Variants in CD46 observed in about 807,000 individuals in gnomAD.
CD46 encodes the protein CD46 molecule.
A neutral mutation model predicts 53.3 loss-of-function variants in CD46; 30 were observed. That is an observed-to-expected ratio of 0.56 (90% CI 0.42 to 0.76). The LOEUF is 0.76. CD46 is among the 30% of genes least tolerant of loss of function. The pLI is 0.00. For synonymous variants in CD46, 142 were observed against 152.0 expected (o/e 0.93, Z 0.48); for missense variants, 409 against 463.0 (o/e 0.88, Z 1.07).
intron 5 of CD46, 91 bp downstream of exon 5, chr1:207,761,537 A>C: frequency 1.0e-6 from 1 of 994,962 alleles, no homozygotes; most frequent in South Asian, 1.3e-5. Context: ...AAGCAGGTGT[A>C]TGTGCTTCCT....
intron 9 of CD46, 24 bp downstream of exon 9, chr1:207,783,354 T>C (rs1658967874): frequency 6.9e-7 from 1 of 1,446,252 alleles, no homozygotes; most frequent in Non-Finnish European, 9.7e-7. Flanking sequence ...TCATGACAAA[T>C]ATAAGTGGTA....
chr1:207,775,784 G>A lies in CD46; in HGVS notation c.943+5422G>A, dbSNP rs753972637. ...CACCTGTTTGAGGTGTTTGTCGGCC[G>A]CTACTGGGAGGTCTTTCCCAGTCAG... On this transcript the variant is annotated intron_variant, in intron 8 of 12. Coordinates refer to ENST00000367042, the MANE Select transcript of CD46 (RefSeq NM_172351.3). 5.9e-5 allele frequency among the ~76,000 whole-genome samples: 9 copies of A among 152,302 alleles called. No homozygotes were observed. The South Asian group carries it at 6.2e-4, about 11-fold the overall frequency.
At position 207,752,451 on chromosome 1, in the gene CD46, G is replaced by A; in HGVS notation, c.97+142G>A. 1.2e-6 allele frequency: 1 copy of A among 817,412 alleles called. No individual in the cohort carries two copies. Among genetic ancestry groups the A allele is most frequent in the South Asian group, 1.4e-5 (1 of 73,616 alleles). The allele number at this position is 817,412 out of a possible 1,614,324, so 50.6% of individuals were successfully genotyped here. A position where few individuals can be genotyped will look rare whatever the true frequency, so the allele number is the denominator to read the frequency against. ...TGAGGGGTGCAGTGCTCAGATCCCG[G>A]GGGTATGTGGCGGGGAATGCGGGGA... On this transcript the variant is annotated intron_variant, in intron 1 of 12. Coordinates refer to ENST00000367042, the MANE Select transcript of CD46 (RefSeq NM_172351.3). The surrounding 1 kb of genome is among the most constrained non-coding windows in gnomAD (Gnocchi z 4.1).
intron 11 of CD46, among the ~76,000 whole-genome samples, chr1:207,788,668 CG>C (rs1659511320): frequency 6.6e-6 from 1 of 152,148 alleles, no homozygotes; most frequent in Non-Finnish European, 1.5e-5. Flanking sequence ...TCTCCACTTC[CG>C]GGGGTAACTG....
At chr1:207,759,384 A>G (rs1486262223) in intron 3 of CD46, among the ~76,000 whole-genome samples, 2 of 152,254 alleles carry the variant, frequency 1.3e-5, no homozygotes, top group African/African-American at 4.8e-5. Flanking sequence ...GGAGGCAGCA[A>G]AGAGGCTGGG....
chr1:207,761,976 A>G (rs1431153982), intron 5 of CD46, among the ~76,000 whole-genome samples: 1 of 152,214 alleles, frequency 6.6e-6, no homozygotes, highest in African/African-American at 2.4e-5. Flanking sequence ...ATTTAAAAGT[A>G]TATACTCCCC....
chr1:207,783,744 CTTTCA>C (rs1659010203), intron 9 of CD46: 1 of 154,494 alleles, frequency 6.5e-6, no homozygotes, highest in African/African-American at 2.4e-5. Context: ...AATCTATTAC[CTTTCA>C]TTTCTTAGAC....
chr1:207,787,354 G>A (rs1659364842), intron 11 of CD46, among the ~76,000 whole-genome samples: 1 of 152,154 alleles, frequency 6.6e-6, no homozygotes, highest in Non-Finnish European at 1.5e-5. Flanking sequence ...TTACAGGCAT[G>A]AGCCACCGCG....
chr1:207,786,490 T>C (rs947605665), intron 11 of CD46, among the ~76,000 whole-genome samples: 1 of 152,214 alleles, frequency 6.6e-6, no homozygotes, highest in Non-Finnish European at 1.5e-5. Context: ...AGACTTAGAA[T>C]GAATCCTGGA....
chr1:207,793,708 T>C lies in CD46; in HGVS notation c.*231T>C. The C allele has an allele frequency of 3.5e-6, 3 of 850,156 alleles. No individual in the cohort carries two copies. In the South Asian group the frequency reaches 4.2e-5, roughly 12 times the overall value. 52.7% of individuals were successfully genotyped at this position (850,156 alleles called of 1,614,324 possible). On this transcript the variant is annotated 3_prime_UTR_variant, in exon 13 of 13. Coordinates refer to ENST00000367042, the MANE Select transcript of CD46 (RefSeq NM_172351.3). Reference sequence around the variant, plus strand: ...AACTGTGGCTTAGCTAATATTGCAATGTGGCTTGAATGTAGGTAGCATCCT... The same window carrying C: ...AACTGTGGCTTAGCTAATATTGCAACGTGGCTTGAATGTAGGTAGCATCCT...
At chr1:207,756,979 AC>A (rs1441297271) in intron 1 of CD46, 34 bp from the exon 2 acceptor site, 1 of 1,539,260 alleles carries the variant, frequency 6.5e-7, no homozygotes, top group African/African-American at 1.4e-5. Flanking sequence ...TGATATCAGT[AC>A]TTCATCTTCA....
intron 4 of CD46, chr1:207,759,945 G>A (rs1256470975): frequency 2.3e-6 from 1 of 426,590 alleles, no homozygotes; most frequent in Non-Finnish European, 4.2e-6. Flanking sequence ...CACGGTCTCA[G>A]GCTATTTCCC....
At chr1:207,790,187 T>C in intron 11 of CD46, 66 bp from the exon 12 acceptor site, 1 of 820,218 alleles carries the variant, frequency 1.2e-6, no homozygotes, top group Non-Finnish European at 2.2e-6. Context: ...CCACTTGTTA[T>C]GCTACTCGTT....
intron 5 of CD46, among the ~76,000 whole-genome samples, chr1:207,766,218 A>G (rs1041342038): frequency 1.1e-4 from 17 of 152,188 alleles, no homozygotes; most frequent in African/African-American, 3.4e-4. Context: ...TATCTTTACT[A>G]TGGTGGTAGT....
intron 11 of CD46, among the ~76,000 whole-genome samples, chr1:207,788,451 G>A (rs1241934955): frequency 2.0e-5 from 3 of 151,944 alleles, no homozygotes; most frequent in Non-Finnish European, 2.9e-5. Context: ...CCCCGGAGGC[G>A]GAGCTTGCAG....
chr1:207,763,955 C>CTTTTT (rs11345183), intron 5 of CD46, among the ~76,000 whole-genome samples: 1 of 126,596 alleles, frequency 7.9e-6, no homozygotes, highest in Non-Finnish European at 1.7e-5. Context: ...AGCTGCTACA[C>CTTTTT]TTTTTTTTTT....
intron 1 of CD46, among the ~76,000 whole-genome samples, chr1:207,755,795 T>C (rs1203013882): frequency 1.3e-5 from 2 of 152,228 alleles, no homozygotes; most frequent in East Asian, 3.8e-4. Flanking sequence ...GGCCTAATCT[T>C]CTTTCTCCAT....
intron 1 of CD46, among the ~76,000 whole-genome samples, chr1:207,755,927 C>CA (rs1655487304): frequency 1.3e-5 from 2 of 152,188 alleles, no homozygotes; most frequent in South Asian, 4.1e-4. Flanking sequence ...CTCTGAGTGA[C>CA]ATATTGTGCT....
At chr1:207,766,828 A>C (rs1262905604) in intron 5 of CD46, among the ~76,000 whole-genome samples, 185 bp from the exon 6 acceptor site, 4 of 152,204 alleles carry the variant, frequency 2.6e-5, no homozygotes, top group Non-Finnish European at 4.4e-5. Context: ...TGAAAGAAAA[A>C]TAAAACACCC....
Sources: allele counts gnomAD v4.1 joint callset (sites outside exome capture counted in the v4.1 genomes callset), GRCh38; gene constraint gnomAD v4.1.1; non-coding constraint Gnocchi (gnomAD v3.1); transcripts MANE v1.5; gene names NCBI Gene and HGNC (gene_info 2026-07-23, HGNC 2026-07-21).